The following ALK variants were observed in gnomAD, a reference collection of about 807,000 sequenced individuals.
ALK encodes ALK receptor tyrosine kinase.
ALK carries 74 observed loss-of-function variants against 163.1 expected under a neutral mutation model. That is an observed-to-expected ratio of 0.45 (90% confidence interval 0.38 to 0.55). The LOEUF is 0.55. Among genes scored for constraint, ALK ranks in the 20% least tolerant of loss-of-function variants. ALK has a pLI of 0.00. For synonymous variants in ALK, 960 were observed against 843.2 expected, an observed-to-expected ratio of 1.14 and a Z score of -2.40; for missense variants, 2,063 against 2,105.3, an observed-to-expected ratio of 0.98 and a Z score of 0.39.
Position 29,509,894 on chromosome 2 carries a change from G to C in ALK, c.1154+22021C>G, listed in dbSNP as rs567608737. 2.6e-5 allele frequency among the ~76,000 whole-genome samples: 4 copies of C among 152,276 alleles called. No individual in the cohort carries two copies. In the South Asian group the frequency reaches 8.3e-4, roughly 32 times the overall value. On this transcript the variant is annotated intron_variant, in intron 4 of 28. Transcript: ENST00000389048. ...CAAGGCAATCGAAAGGTAGTTTTTA[G>C]GTTTAGCAATTGTGATCTGTTTGTG...
chr2:29,591,474 C>G (rs1353432464), intron 3 of ALK, among the ~76,000 whole-genome samples: 2 of 152,124 alleles, frequency 1.3e-5, no homozygotes, highest in Non-Finnish European at 2.9e-5. Flanking sequence ...ATGGCCACCT[C>G]CCCAGTCACA....
intron 4 of ALK, among the ~76,000 whole-genome samples, chr2:29,473,966 C>T (rs989998558): frequency 6.6e-6 from 1 of 152,192 alleles, no homozygotes; most frequent in African/African-American, 2.4e-5. Flanking sequence ...AGCACATTCT[C>T]AATACATTGC....
At chr2:29,288,721 C>A (rs960607418) in intron 9 of ALK, among the ~76,000 whole-genome samples, 5 of 151,960 alleles carry the variant, frequency 3.3e-5, no homozygotes, top group African/African-American at 1.2e-4. Flanking sequence ...GAGGCTGAGG[C>A]GGGCAGATCA....
chr2:29,638,955 C>A (rs1180149695), intron 3 of ALK, among the ~76,000 whole-genome samples: 1 of 152,150 alleles, frequency 6.6e-6, no homozygotes, highest in Non-Finnish European at 1.5e-5. Flanking sequence ...CATGGTTGCT[C>A]CTGCTCTCTT....
chr2:29,816,024 G>A, intron 1 of ALK, among the ~76,000 whole-genome samples: 1 of 152,256 alleles, frequency 6.6e-6, no homozygotes, highest in Non-Finnish European at 1.5e-5. Context: ...TGTCTGGACA[G>A]ACCCTGTCTC....
At chr2:29,812,659 C>T (rs1348388918) in intron 1 of ALK, among the ~76,000 whole-genome samples, 3 of 152,166 alleles carry the variant, frequency 2.0e-5, no homozygotes, top group Non-Finnish European at 4.4e-5. Context: ...TGCCTGGCTC[C>T]AGTGAAACAT....
At chr2:29,820,818 C>T (rs1665027464) in intron 1 of ALK, among the ~76,000 whole-genome samples, 1 of 152,218 alleles carries the variant, frequency 6.6e-6, no homozygotes, top group Non-Finnish European at 1.5e-5. Flanking sequence ...CAACCCAGCA[C>T]TTGCCAAATG....
intron 5 of ALK, among the ~76,000 whole-genome samples, chr2:29,354,902 G>A (rs1668209379): frequency 1.3e-5 from 2 of 151,936 alleles, no homozygotes; most frequent in African/African-American, 4.8e-5. Flanking sequence ...AAGTAGCTAG[G>A]ACTACAGGTG....
chr2:29,658,578 AG>A (rs1349311798), intron 3 of ALK, among the ~76,000 whole-genome samples: 2 of 152,198 alleles, frequency 1.3e-5, no homozygotes, highest in Non-Finnish European at 2.9e-5. Flanking sequence ...TGGGAGAGCA[AG>A]GGCTGCAAAA....
At chr2:29,339,749 C>A (rs936719156) in intron 5 of ALK, among the ~76,000 whole-genome samples, 6 of 151,970 alleles carry the variant, frequency 3.9e-5, no homozygotes, top group African/African-American at 1.5e-4. Context: ...TGGCAGGGGG[C>A]CCGAGGTGAT....
At chr2:29,343,058 AT>A (rs1002331356) in intron 5 of ALK, among the ~76,000 whole-genome samples, 17 of 145,712 alleles carry the variant, frequency 1.2e-4, no homozygotes, top group South Asian at 2.2e-4. Context: ...AATTTTTCTT[AT>A]TTTTTTTTAG....
At chr2:29,631,936 ACAC>A (rs1446094002) in intron 3 of ALK, among the ~76,000 whole-genome samples, 2 of 152,194 alleles carry the variant, frequency 1.3e-5, no homozygotes, top group African/African-American at 2.4e-5. Context: ...TGCACATCTC[ACAC>A]ATGTATCATT....
chr2:29,526,090 C>T (rs1672952767), intron 4 of ALK, among the ~76,000 whole-genome samples: 1 of 152,194 alleles, frequency 6.6e-6, no homozygotes, highest in African/African-American at 2.4e-5. Flanking sequence ...TGGCTCTCTT[C>T]CTGCCCACTC....
At chr2:29,331,425 C>A (rs894362837) in intron 5 of ALK, among the ~76,000 whole-genome samples, 1 of 152,166 alleles carries the variant, frequency 6.6e-6, no homozygotes, top group Non-Finnish European at 1.5e-5. Context: ...CAATCCCCCA[C>A]TGTATGGAGG....
At chr2:29,722,696 G>A (rs918834833) in intron 1 of ALK, among the ~76,000 whole-genome samples, 1 of 152,040 alleles carries the variant, frequency 6.6e-6, no homozygotes, top group South Asian at 2.1e-4. Context: ...TACCAAATTT[G>A]TGTCTTCAGC....
At chr2:29,856,296 C>T (rs1666136088) in intron 1 of ALK, among the ~76,000 whole-genome samples, 1 of 152,154 alleles carries the variant, frequency 6.6e-6, no homozygotes, top group Non-Finnish European at 1.5e-5. Context: ...ATTTTAGAGT[C>T]ATTGTGAAGA....
intron 1 of ALK, among the ~76,000 whole-genome samples, chr2:29,814,411 A>C (rs1044938102): frequency 6.6e-6 from 1 of 151,812 alleles, no homozygotes; most frequent in South Asian, 2.1e-4. Context: ...CTGTAATCCC[A>C]GCACTTTGGG....
intron 3 of ALK, among the ~76,000 whole-genome samples, chr2:29,594,526 T>C (rs1675147335): frequency 6.6e-6 from 1 of 151,320 alleles, no homozygotes; most frequent in South Asian, 2.1e-4. Context: ...CCTCCCGGGT[T>C]CAAGCGATTC....
intron 4 of ALK, among the ~76,000 whole-genome samples, chr2:29,423,749 C>A (rs928625461): frequency 6.6e-6 from 1 of 152,050 alleles, no homozygotes; most frequent in Admixed American, 6.5e-5. Context: ...CACTGGGGGA[C>A]CCTCCTAGGA....
Sources: gnomAD v4.1 joint callset for allele counts (sites outside exome capture counted in the v4.1 genomes callset) on GRCh38, gnomAD v4.1.1 for gene constraint, MANE v1.5 for transcripts, NCBI Gene and HGNC (gene_info 2026-07-23, HGNC 2026-07-21) for gene names.